The following SMARCC1 variants were observed in gnomAD, a reference collection of about 807,000 sequenced individuals.
SMARCC1 encodes SWI/SNF complex subunit SMARCC1.
SMARCC1 carries 43 observed loss-of-function variants against 147.4 expected under a neutral mutation model. The observed-to-expected ratio is 0.29, with a 90% confidence interval of 0.23 to 0.38. SMARCC1 has a LOEUF of 0.38. Among genes scored for constraint, SMARCC1 ranks in the 10% least tolerant of loss-of-function variants. The pLI, the probability that SMARCC1 is intolerant of heterozygous loss-of-function variation, is 1.00. For missense variants in SMARCC1, 1,119 were observed against 1,381.1 expected (o/e 0.81, Z 3.01); for synonymous variants, 495 against 484.4 (o/e 1.02, Z -0.29).
intron 3 of SMARCC1, among the ~76,000 whole-genome samples, chr3:47,738,452 G>T (rs2034470708): frequency 6.6e-6 from 1 of 152,194 alleles, no homozygotes; most frequent in South Asian, 2.1e-4. Flanking sequence ...TTGGGAGGCT[G>T]AGGCGGGTGG....
intron 7 of SMARCC1, among the ~76,000 whole-genome samples, chr3:47,720,267 G>A (rs569989298): frequency 6.6e-6 from 1 of 151,942 alleles, no homozygotes; most frequent in Admixed American, 6.6e-5. Context: ...GGGATTACAG[G>A]CACCTGCCAC....
At chr3:47,757,405 G>T (rs1287745899) in intron 2 of SMARCC1, among the ~76,000 whole-genome samples, 1 of 152,070 alleles carries the variant, frequency 6.6e-6, no homozygotes. Flanking sequence ...AGAAAATAAT[G>T]CATTATAACC....
chr3:47,696,888 T>A (rs2033859265), intron 11 of SMARCC1, among the ~76,000 whole-genome samples: 1 of 151,730 alleles, frequency 6.6e-6, no homozygotes, highest in Non-Finnish European at 1.5e-5. Context: ...TGAATCGGGG[T>A]CTCACTCCTT....
chr3:47,693,219 T>C (rs1270574330), intron 12 of SMARCC1, 22 bp downstream of exon 12: 6 of 1,337,320 alleles, frequency 4.5e-6, no homozygotes, highest in South Asian at 2.4e-5. Flanking sequence ...CACAGACCAG[T>C]GTATAGATTT....
At chr3:47,738,650 C>G (rs565057437) in intron 3 of SMARCC1, among the ~76,000 whole-genome samples, 46 of 151,906 alleles carry the variant, frequency 3.0e-4, no homozygotes, top group Admixed American at 9.2e-4. Context: ...CGCCACTGCA[C>G]TCTAGCCTGG....
At chr3:47,630,851 C>T (rs1333028534) in intron 24 of SMARCC1, among the ~76,000 whole-genome samples, 1 of 152,090 alleles carries the variant, frequency 6.6e-6, no homozygotes, top group Non-Finnish European at 1.5e-5. Flanking sequence ...TTCCTTGGCA[C>T]CAGGAGTTTG....
Position 47,692,053 on chromosome 3 carries a change from T to C in SMARCC1, c.1225+1188A>G, listed in dbSNP as rs115863560. On this transcript the variant is annotated intron_variant, in intron 12 of 27. Coordinates refer to ENST00000254480, the MANE Select transcript of SMARCC1 (RefSeq NM_003074.4). ...AATACAGAATTCCTTAATTAGAAGA[T>C]AGAACTGACATCTCATTTTCTAAAA... Among the ~76,000 whole-genome samples the C allele has an allele frequency of 4.3e-3, 654 of 152,278 alleles. 7 individuals carry two copies. Among genetic ancestry groups the C allele is most frequent in the African/African-American group, 0.015 (620 of 41,544 alleles).
chr3:47,663,301 T>C lies in SMARCC1; in HGVS notation c.1900-709A>G, dbSNP rs900029009. On this transcript the variant is annotated intron_variant, in intron 19 of 27. Coordinates refer to ENST00000254480, the MANE Select transcript of SMARCC1 (RefSeq NM_003074.4). ...ACTAATACATACAGACATGACTGTT[T>C]ATGTAGAAAATTCTAAGGAAGCTAT... Among the ~76,000 whole-genome samples, 6 of 151,558 alleles carry C rather than the reference T, an allele frequency of 4.0e-5. No individual in the cohort carries two copies. In the East Asian group the frequency reaches 1.2e-3, roughly 30 times the overall value.
intron 21 of SMARCC1, among the ~76,000 whole-genome samples, chr3:47,660,620 G>A (rs2106734577): frequency 6.6e-6 from 1 of 152,196 alleles, no homozygotes; most frequent in South Asian, 2.1e-4. Flanking sequence ...CAAAGAAGCA[G>A]ACACAAAGGC....
intron 2 of SMARCC1, among the ~76,000 whole-genome samples, chr3:47,770,905 A>T (rs1050897310): frequency 1.3e-5 from 2 of 152,018 alleles, no homozygotes; most frequent in Admixed American, 6.6e-5. Context: ...ATTTTTTAAA[A>T]TTTTATTTAT....
At chr3:47,685,919 C>T (rs2033716573) in intron 14 of SMARCC1, 130 bp downstream of exon 14, 1 of 681,810 alleles carries the variant, frequency 1.5e-6, no homozygotes, top group Non-Finnish European at 2.5e-6. Flanking sequence ...AAAAATCACT[C>T]TCCATCTCCC....
At chr3:47,723,676 G>T (rs2034263249) in intron 6 of SMARCC1, among the ~76,000 whole-genome samples, 1 of 152,034 alleles carries the variant, frequency 6.6e-6, no homozygotes, top group Admixed American at 6.6e-5. Context: ...AGCTGGGCAT[G>T]GTGGCGGGGG....
At chr3:47,676,316 C>T (rs1333684510) in intron 17 of SMARCC1, among the ~76,000 whole-genome samples, 3 of 152,132 alleles carry the variant, frequency 2.0e-5, no homozygotes, top group African/African-American at 7.2e-5. Flanking sequence ...GAAGATTTTG[C>T]ATCATCTGCT....
chr3:47,637,971 T>C (rs1400387480), intron 22 of SMARCC1, among the ~76,000 whole-genome samples: 1 of 152,188 alleles, frequency 6.6e-6, no homozygotes, highest in Admixed American at 6.5e-5. Flanking sequence ...TTCTCATTCT[T>C]TTCTTAAGAT....
At chr3:47,743,160 T>C (rs17079785) in intron 3 of SMARCC1, among the ~76,000 whole-genome samples, 92,041 of 152,078 alleles carry the variant, frequency 0.61, 29,152 homozygotes, top group East Asian at 0.72. Context: ...CTGAGAGGCA[T>C]GTTAGGCATG....
chr3:47,768,276 T>C (rs1480996240), intron 2 of SMARCC1, among the ~76,000 whole-genome samples: 2 of 152,230 alleles, frequency 1.3e-5, no homozygotes, highest in Non-Finnish European at 2.9e-5. Context: ...ATTGTATCAA[T>C]CCCTTTCATC....
intron 6 of SMARCC1, among the ~76,000 whole-genome samples, chr3:47,722,447 G>A (rs1055324909): frequency 2.6e-5 from 4 of 151,678 alleles, no homozygotes; most frequent in East Asian, 1.9e-4. Flanking sequence ...ACAGGCATGC[G>A]CCACACCATG....
At chr3:47,758,609 T>C (rs1027240942) in intron 2 of SMARCC1, among the ~76,000 whole-genome samples, 2 of 152,166 alleles carry the variant, frequency 1.3e-5, no homozygotes, top group African/African-American at 4.8e-5. Context: ...CATTTACGTA[T>C]TGTATATAGC....
intron 3 of SMARCC1, among the ~76,000 whole-genome samples, chr3:47,743,256 CAA>C (rs2034528463): frequency 1.3e-5 from 2 of 152,250 alleles, no homozygotes; most frequent in African/African-American, 4.8e-5. Flanking sequence ...GTGCGAGGCA[CAA>C]GAGATGAGAG....
Sources: allele counts gnomAD v4.1 joint callset (sites outside exome capture counted in the v4.1 genomes callset), GRCh38; gene constraint gnomAD v4.1.1; transcripts MANE v1.5; gene names NCBI Gene and HGNC (gene_info 2026-07-23, HGNC 2026-07-21).